Variants in OLFM1 observed in about 807,000 individuals in gnomAD.
OLFM1 encodes the protein noelin.
Under a neutral mutation model 49.7 loss-of-function variants are expected in OLFM1, and 9 were observed. The ratio of observed to expected loss-of-function variants is 0.18; its 90% CI spans 0.11 to 0.32. OLFM1 has a LOEUF of 0.32. Among genes scored for constraint, OLFM1 ranks in the 10% least tolerant of loss-of-function variants. The probability of loss-of-function intolerance (pLI) is 1.00; values close to 1 mark genes in which losing one functional copy is unlikely to be tolerated. For synonymous variants in OLFM1, 240 were observed against 271.8 expected, an observed-to-expected ratio of 0.88 and a Z score of 1.15; for missense variants, 369 against 661.8, an observed-to-expected ratio of 0.56 and a Z score of 4.85.
At chr9:135,085,004 C>T (rs1830579673), upstream of OLFM1, among the ~76,000 whole-genome samples, 1 of 152,316 alleles carries the variant, frequency 6.6e-6, no homozygotes, top group South Asian at 2.1e-4. Flanking sequence ...TGGGCAGGAG[C>T]ACCCTCTCAC....
intron 3 of OLFM1, among the ~76,000 whole-genome samples, chr9:135,096,360 TC>T (rs1393127549): frequency 4.6e-5 from 7 of 151,796 alleles, no homozygotes; most frequent in African/African-American, 1.5e-4. Flanking sequence ...CTTCTTCTCC[TC>T]CTCTGAGGCT....
intron 4 of OLFM1, among the ~76,000 whole-genome samples, chr9:135,105,195 A>G (rs1345463913): frequency 6.6e-6 from 1 of 152,200 alleles, no homozygotes; most frequent in Non-Finnish European, 1.5e-5. Flanking sequence ...ATGGGGAACT[A>G]CGCACGGAGG....
upstream of OLFM1, chr9:135,087,650 G>A (rs1005117946): frequency 1.2e-5 from 6 of 521,256 alleles, no homozygotes; most frequent in East Asian, 1.3e-4. Context: ...GCCCCCGCGC[G>A]CAGCCCGCGC....
chr9:135,114,176 ATG>A (rs61326045), intron 5 of OLFM1, among the ~76,000 whole-genome samples: 5,202 of 128,442 alleles, frequency 0.041, 376 homozygotes, highest in African/African-American at 0.14. Context: ...TCTGTTGCCC[ATG>A]CTGGAGTGCT....
intron 4 of OLFM1, among the ~76,000 whole-genome samples, chr9:135,104,690 G>A (rs1830916259): frequency 6.6e-6 from 1 of 152,132 alleles, no homozygotes; most frequent in African/African-American, 2.4e-5. Context: ...GGGCTGGAGA[G>A]GGGCTGTGAA....
At chr9:135,076,170 A>T (rs1039235510) in intron 1 of OLFM1, 12 of 1,550,300 alleles carry the variant, frequency 7.7e-6, no homozygotes, top group Non-Finnish European at 1.0e-5. Flanking sequence ...CCAAGACCCC[A>T]GGCATTTTCA....
intron 1 of OLFM1, chr9:135,076,185 T>TGGC (rs1220438294): frequency 4.1e-5 from 63 of 1,550,218 alleles, no homozygotes; most frequent in Admixed American, 2.0e-5. Flanking sequence ...TTTTCAGAGG[T>TGGC]GGCGGGACCT....
At chr9:135,106,972 G>A in intron 5 of OLFM1, 117 bp downstream of exon 5, 1 of 777,040 alleles carries the variant, frequency 1.3e-6, no homozygotes, top group South Asian at 1.8e-5. Flanking sequence ...GGACTGGGCA[G>A]CTTGGTGCCT....
At chr9:135,110,190 G>A (rs1333768523) in intron 5 of OLFM1, among the ~76,000 whole-genome samples, 1 of 152,192 alleles carries the variant, frequency 6.6e-6, no homozygotes, top group Non-Finnish European at 1.5e-5. Context: ...CTGCCAGGCT[G>A]TGTTCCCACC....
chr9:135,081,638 C>T (rs868244793), intron 1 of OLFM1, among the ~76,000 whole-genome samples: 2 of 152,226 alleles, frequency 1.3e-5, no homozygotes, highest in East Asian at 1.9e-4. Flanking sequence ...GCCCTGTGCC[C>T]GTTAAATGTC....
chr9:135,087,799 GCC>G lies in OLFM1; in HGVS notation c.-189_-188del. Reference sequence around the variant, plus strand: ...AGGCCACCTGGCCACCTTCCCTGGCGCCCGGGGAAGGCGCGGCGATGGCCGGG... The same window carrying G: ...AGGCCACCTGGCCACCTTCCCTGGCGCGGGGAAGGCGCGGCGATGGCCGGG... On this transcript the variant is annotated 5_prime_UTR_variant, in exon 1 of 6. Coordinates refer to ENST00000371793, the MANE Select transcript of OLFM1 (RefSeq NM_001282611.2). 1.4e-6 allele frequency: 1 copy of G among 718,534 alleles called. No individual in the cohort carries two copies. The highest frequency in any genetic ancestry group is 1.7e-6 in the Non-Finnish European group (1 of 588,760). The allele number at this position is 718,534 out of a possible 1,614,324, so 44.5% of individuals were successfully genotyped here.
chr9:135,086,841 C>A, upstream of OLFM1: 1 of 401,954 alleles, frequency 2.5e-6, no homozygotes, highest in Non-Finnish European at 5.0e-6. Flanking sequence ...TAAGGACACC[C>A]CCCAACCCAC....
At chr9:135,097,876 A>G in intron 3 of OLFM1, 2 of 1,590,180 alleles carry the variant, frequency 1.3e-6, no homozygotes, top group Non-Finnish European at 1.7e-6. Context: ...TTTTTGCACC[A>G]TGCATTTTTA....
At chr9:135,109,117 G>A (rs986629898) in intron 5 of OLFM1, among the ~76,000 whole-genome samples, 5 of 152,108 alleles carry the variant, frequency 3.3e-5, no homozygotes, top group African/African-American at 7.2e-5. Flanking sequence ...CCCCAGGACT[G>A]GACTGCTTTG....
At chr9:135,090,032 A>T (rs1443990619) in intron 1 of OLFM1, among the ~76,000 whole-genome samples, 163 bp from the exon 2 acceptor site, 4 of 151,990 alleles carry the variant, frequency 2.6e-5, no homozygotes, top group Admixed American at 2.6e-4. Flanking sequence ...GTTCCCAGGG[A>T]CCCTTTCTTC....
Position 135,090,361 on chromosome 9 carries a change from T to A in OLFM1, c.300+17T>A, listed in dbSNP as rs1294551428. 8.8e-6 allele frequency: 14 copies of A among 1,585,376 alleles called. No homozygotes were observed. The highest frequency in any genetic ancestry group is 1.2e-5 in the Non-Finnish European group (14 of 1,169,282). On this transcript the variant is annotated intron_variant, in intron 2 of 5. Coordinates refer to ENST00000371793, the MANE Select transcript of OLFM1 (RefSeq NM_001282611.2). ...CTGGAGAAGGTGAGTCTGCGCAGAG[T>A]GTGTGAGTTTGTATGTGTGTGTGTT... is the stretch of plus-strand genomic sequence containing the variant.
At chr9:135,102,932 T>C (rs1048108298) in intron 4 of OLFM1, among the ~76,000 whole-genome samples, 1 of 152,146 alleles carries the variant, frequency 6.6e-6, no homozygotes, top group Non-Finnish European at 1.5e-5. Context: ...TATGAGATCG[T>C]CCATGCTGCT....
At chr9:135,094,256 T>G (rs1490823508) in intron 2 of OLFM1, among the ~76,000 whole-genome samples, 1 of 152,226 alleles carries the variant, frequency 6.6e-6, no homozygotes, top group African/African-American at 2.4e-5. Flanking sequence ...ACTCCCCCCA[T>G]GAGCATCCTG....
chr9:135,098,256 G>T lies in OLFM1; in HGVS notation c.457-30G>T, dbSNP rs751381277. On this transcript the variant is annotated intron_variant, in intron 3 of 5. Transcript: ENST00000371793. This position sits in a 1 kb window ranked among gnomAD's most constrained non-coding sequence, Gnocchi z 5.6. ...GGGTGTGAGAGTTCTTGCATGCATC[G>T]CACTGAACCAGCTTATTTTAACCTT... 18 of 1,608,078 alleles carry T rather than the reference G, an allele frequency of 1.1e-5. No individual in the cohort carries two copies. The highest frequency in any genetic ancestry group is 1.1e-4 in the East Asian group (5 of 44,824).
Sources: allele counts gnomAD v4.1 joint callset (sites outside exome capture counted in the v4.1 genomes callset), GRCh38; gene constraint gnomAD v4.1.1; non-coding constraint Gnocchi (gnomAD v3.1); transcripts MANE v1.5; gene names NCBI Gene and HGNC (gene_info 2026-07-23, HGNC 2026-07-21).